MTMR3: variants seen among roughly 807,000 people sequenced by gnomAD.
The protein encoded by MTMR3 is myotubularin related protein 3.
In MTMR3, 32 loss-of-function variants were observed where a neutral mutation model predicts 132.4. The ratio of observed to expected loss-of-function variants is 0.24; its 90% confidence interval spans 0.18 to 0.32. The LOEUF (loss-of-function observed/expected upper bound fraction) is 0.32, where lower values mean the gene tolerates loss of function less well. MTMR3 is among the 10% of genes least tolerant of loss of function. The pLI, the probability that MTMR3 is intolerant of heterozygous loss-of-function variation, is 1.00. For synonymous variants in MTMR3, 556 were observed against 550.3 expected (o/e 1.01, Z -0.14); for missense variants, 1,216 against 1,489.6 (o/e 0.82, Z 3.02).
rs577981316 is a variant in MTMR3, at chr22:29,957,452, T to G, written c.-85+364T>G. ...TTATTTATTTATTTATTTATTTATTTATTTATTGATATATTTTTTGAGACA... is the reference window on the plus strand; with the variant it reads ...TTATTTATTTATTTATTTATTTATTGATTTATTGATATATTTTTTGAGACA... On this transcript the variant is annotated intron_variant, in intron 2 of 19. Transcript: ENST00000401950. 6.6e-3 allele frequency among the ~76,000 whole-genome samples: 678 copies of G among 103,044 alleles called. 7 individuals carry two copies. Among genetic ancestry groups the G allele is most frequent in the African/African-American group, 0.021 (641 of 30,298 alleles). The allele number at this position is 103,044 out of a possible 152,430, so 67.6% of individuals were successfully genotyped here.
At chr22:29,916,744 C>A (rs2065316909) in intron 1 of MTMR3, among the ~76,000 whole-genome samples, 1 of 152,174 alleles carries the variant, frequency 6.6e-6, no homozygotes, top group Non-Finnish European at 1.5e-5. Flanking sequence ...TAATACATTG[C>A]ATTCTGCGGG....
chr22:30,025,636 T>G lies in MTMR3; in HGVS notation c.3432T>G (p.Cys1144Trp), dbSNP rs775111852. ...TGTTTCTTCTCATCTCAAGGAATTG[T>G]GGGAACGTATTCTGCTCCAGTTGTT... ...LASRKHHCRN[C>W]GNVFCSSCCN... The change falls in exon 20 of 20, where the codon TGT becomes TGG. Residue 1144 changes from cysteine (C) to tryptophan (W), a missense_variant. By Grantham distance (215) the Cys-to-Trp change is radical. Transcript: ENST00000401950. 6.2e-7 allele frequency: 1 copy of G among 1,614,214 alleles called. No homozygotes were observed. The highest frequency in any genetic ancestry group is 8.5e-7 in the Non-Finnish European group (1 of 1,180,034).
At chr22:29,951,492 A>G (rs934988217) in intron 1 of MTMR3, among the ~76,000 whole-genome samples, 1 of 152,220 alleles carries the variant, frequency 6.6e-6, no homozygotes. Context: ...GTTGAGATGT[A>G]TAAAGCAATA....
intron 12 of MTMR3, 199 bp downstream of exon 12, chr22:30,009,328 A>G (rs2067351941): frequency 1.9e-6 from 1 of 536,014 alleles, no homozygotes; most frequent in Non-Finnish European, 3.3e-6. Context: ...GCACAGAGGA[A>G]GAGTTGGGAG....
Position 30,029,379 on chromosome 22 carries a change from G to A in MTMR3, c.*3578G>A, listed in dbSNP as rs1014236880. 6.6e-6 allele frequency: 1 copy of A among 152,314 alleles called. No individual in the cohort carries two copies. Among genetic ancestry groups the A allele is most frequent in the Non-Finnish European group, 1.5e-5 (1 of 68,036 alleles). 9.4% of individuals were successfully genotyped at this position (152,314 alleles called of 1,614,324 possible). A position where few individuals can be genotyped will look rare whatever the true frequency, so the allele number is the denominator to read the frequency against. ...TGAGGATGTACAGAAAAGTTTTCCT[G>A]TAATAATTTTGCTTATATGCTAACT... On this transcript the variant is annotated 3_prime_UTR_variant, in exon 20 of 20. Transcript: ENST00000401950.
chr22:29,951,274 G>A (rs2066074633), intron 1 of MTMR3, among the ~76,000 whole-genome samples: 2 of 152,126 alleles, frequency 1.3e-5, no homozygotes, highest in Non-Finnish European at 2.9e-5. Flanking sequence ...GATTGTATGT[G>A]ATCTTTGGTT....
At chr22:29,933,899 T>TA (rs1477845919) in intron 1 of MTMR3, among the ~76,000 whole-genome samples, 1 of 152,128 alleles carries the variant, frequency 6.6e-6, no homozygotes, top group Non-Finnish European at 1.5e-5. Flanking sequence ...TTTGCTTTCT[T>TA]ACCACCTCTC....
intron 12 of MTMR3, 74 bp downstream of exon 12, chr22:30,009,203 G>A: frequency 9.4e-7 from 1 of 1,059,222 alleles, no homozygotes; most frequent in Non-Finnish European, 1.4e-6. Flanking sequence ...TGAACTAAGG[G>A]GGAAAAAAAG....
chr22:29,964,860 C>T (rs1285224419), intron 2 of MTMR3, among the ~76,000 whole-genome samples: 2 of 152,218 alleles, frequency 1.3e-5, no homozygotes, highest in African/African-American at 2.4e-5. Context: ...AAACTTACTA[C>T]TATTCACATG....
intron 15 of MTMR3, 41 bp from the exon 16 acceptor site, chr22:30,017,886 T>TAGG (rs775497557): frequency 6.2e-7 from 1 of 1,610,294 alleles, no homozygotes; most frequent in Non-Finnish European, 8.5e-7. Context: ...CTAGAAGACT[T>TAGG]ATTGGGGCAT....
chr22:29,949,012 C>A (rs572800589), intron 1 of MTMR3, among the ~76,000 whole-genome samples: 3 of 151,524 alleles, frequency 2.0e-5, no homozygotes, highest in Non-Finnish European at 4.4e-5. Context: ...GTGAGAGGAT[C>A]GCTTGAGCCT....
intron 7 of MTMR3, chr22:29,998,043 T>C (rs914085224): frequency 2.0e-5 from 3 of 152,230 alleles, no homozygotes; most frequent in African/African-American, 4.8e-5. Context: ...GATCTTGTTA[T>C]TGATTTTATT....
chr22:29,916,091 T>C (rs1421807405), intron 1 of MTMR3, among the ~76,000 whole-genome samples: 1 of 152,232 alleles, frequency 6.6e-6, no homozygotes, highest in Non-Finnish European at 1.5e-5. Flanking sequence ...TGTTAGAAAA[T>C]CCATAATTCA....
intron 1 of MTMR3, among the ~76,000 whole-genome samples, chr22:29,951,914 G>T: frequency 7.6e-6 from 1 of 131,232 alleles, no homozygotes. Flanking sequence ...TTTTGAGACA[G>T]TCTCTCACTC....
chr22:29,925,202 T>A (rs2065491651), intron 1 of MTMR3, among the ~76,000 whole-genome samples: 1 of 152,122 alleles, frequency 6.6e-6, no homozygotes, highest in African/African-American at 2.4e-5. Flanking sequence ...CTGGCTAGTT[T>A]TACTGTTTTT....
chr22:29,960,399 A>T (rs184555773), intron 2 of MTMR3, among the ~76,000 whole-genome samples: 24 of 152,334 alleles, frequency 1.6e-4, no homozygotes, highest in African/African-American at 5.5e-4. Flanking sequence ...ATACTGAAGT[A>T]GTAAGAATTA....
intron 3 of MTMR3, among the ~76,000 whole-genome samples, chr22:29,976,272 C>G (rs1286762028): frequency 2.0e-5 from 3 of 152,000 alleles, no homozygotes; most frequent in Non-Finnish European, 4.4e-5. Flanking sequence ...ACAACTAATA[C>G]TATCTTTTGT....
intron 2 of MTMR3, among the ~76,000 whole-genome samples, chr22:29,957,452 TATTTATTG>T (rs1030713166): frequency 1.2e-4 from 12 of 103,048 alleles, no homozygotes; most frequent in African/African-American, 3.3e-4. Flanking sequence ...TTTATTTATT[TATTTATTG>T]ATATATTTTT....
chr22:29,889,003 TTATAAGTA>T (rs1262689827), intron 1 of MTMR3, among the ~76,000 whole-genome samples: 1 of 152,048 alleles, frequency 6.6e-6, no homozygotes, highest in African/African-American at 2.4e-5. Flanking sequence ...TATAAGGAAA[TTATAAGTA>T]TATTGATAAA....
Sources: gnomAD v4.1 joint callset for allele counts (sites outside exome capture counted in the v4.1 genomes callset) on GRCh38, gnomAD v4.1.1 for gene constraint, MANE v1.5 for transcripts, NCBI Gene and HGNC (gene_info 2026-07-23, HGNC 2026-07-21) for gene names.